The following KLRG1 variants were observed in gnomAD, a reference collection of about 807,000 sequenced individuals.
The protein encoded by KLRG1 is killer cell lectin-like receptor subfamily G member 1.
A neutral mutation model predicts 21.8 loss-of-function variants in KLRG1; 16 were observed. The ratio of observed to expected loss-of-function variants is 0.73; its 90% CI spans 0.50 to 1.11. The LOEUF (loss-of-function observed/expected upper bound fraction) is 1.11, where lower values mean the gene tolerates loss of function less well. Ranked by LOEUF, KLRG1 falls within the 50% of genes most tolerant of loss-of-function variation. The pLI is 0.00. For synonymous variants in KLRG1, 69 were observed against 75.9 expected, an observed-to-expected ratio of 0.91 and a Z score of 0.47; for missense variants, 173 against 218.3, an observed-to-expected ratio of 0.79 and a Z score of 1.31.
intron 1 of KLRG1, among the ~76,000 whole-genome samples, chr12:8,974,654 TGTG>T (rs1946627881): frequency 6.6e-6 from 1 of 152,248 alleles, no homozygotes; most frequent in Non-Finnish European, 1.5e-5. Context: ...ATTATGTTAA[TGTG>T]GTGTATTACA....
At chr12:9,026,354 A>C in the KLRG1 span, among the ~76,000 whole-genome samples, 1 of 152,354 alleles carries the variant, frequency 6.6e-6, no homozygotes, top group South Asian at 2.1e-4. Context: ...ATGAGCCAAA[A>C]ACGTATGCCA....
chr12:9,181,054 G>C, the KLRG1 span: 3 of 1,614,196 alleles, frequency 1.9e-6, no homozygotes, highest in Non-Finnish European at 2.5e-6. Context: ...AGGGCACAGA[G>C]GGACTGCGGA....
the KLRG1 span, chr12:9,093,540 T>A: frequency 1.2e-6 from 2 of 1,612,822 alleles, no homozygotes; most frequent in Admixed American, 3.3e-5. Flanking sequence ...CTCTTCAACA[T>A]GCACCAGGCG....
the KLRG1 span, among the ~76,000 whole-genome samples, chr12:9,051,506 C>T: frequency 5.3e-5 from 8 of 152,182 alleles, no homozygotes; most frequent in Non-Finnish European, 8.8e-5. Flanking sequence ...ATCCTCTCCA[C>T]GCTTCCTGTC....
the KLRG1 span, chr12:9,194,219 T>C: frequency 1.9e-6 from 3 of 1,613,828 alleles, no homozygotes; most frequent in African/African-American, 2.7e-5. Flanking sequence ...GGGCACACCT[T>C]TTCCATCCAC....
At chr12:9,025,212 A>G in the KLRG1 span, among the ~76,000 whole-genome samples, 1 of 152,236 alleles carries the variant, frequency 6.6e-6, no homozygotes, top group Non-Finnish European at 1.5e-5. Context: ...TGGTTAAGAC[A>G]GGAAGGAAAG....
At chr12:9,109,287 T>A in the KLRG1 span, 1 of 1,521,080 alleles carries the variant, frequency 6.6e-7, no homozygotes, top group African/African-American at 1.4e-5. Flanking sequence ...TTTTAAATAA[T>A]CCCCCACAAA....
intron 3 of KLRG1, among the ~76,000 whole-genome samples, chr12:8,997,622 A>G (rs988169681): frequency 2.6e-5 from 4 of 152,208 alleles, no homozygotes; most frequent in African/African-American, 7.2e-5. Context: ...CTACAGGCCT[A>G]TGGAAAATAT....
chr12:9,110,429 G>A, the KLRG1 span: 2 of 673,024 alleles, frequency 3.0e-6, no homozygotes, highest in Non-Finnish European at 4.8e-6. Context: ...TAGCATAACA[G>A]GGTGAGTATA....
At chr12:9,182,585 A>G in the KLRG1 span, among the ~76,000 whole-genome samples, 1 of 152,230 alleles carries the variant, frequency 6.6e-6, no homozygotes, top group Admixed American at 6.5e-5. Context: ...TTCCTAAAAG[A>G]ATATTTAATT....
the KLRG1 span, chr12:9,128,732 C>G: frequency 2.7e-4 from 41 of 152,270 alleles, no homozygotes; most frequent in African/African-American, 9.6e-4. Flanking sequence ...CCTGGCTCTT[C>G]CCCTTACCTG....
chr12:9,152,600 G>T, the KLRG1 span, among the ~76,000 whole-genome samples: 1 of 152,200 alleles, frequency 6.6e-6, no homozygotes, highest in Admixed American at 6.5e-5. Flanking sequence ...TATGGTTTTT[G>T]CACACCTCAC....
the KLRG1 span, among the ~76,000 whole-genome samples, chr12:9,214,910 A>AT: frequency 0.01 from 1,564 of 152,072 alleles, 33 homozygotes; most frequent in African/African-American, 0.035. Flanking sequence ...TTAAAAAAAA[A>AT]TTTTTAAGTC....
At chr12:9,180,075 C>T in the KLRG1 span, among the ~76,000 whole-genome samples, 5 of 152,282 alleles carry the variant, frequency 3.3e-5, no homozygotes, top group African/African-American at 1.2e-4. Context: ...ATCAAGTACT[C>T]GGCAAGTGGT....
At chr12:9,126,637 A>G in the KLRG1 span, among the ~76,000 whole-genome samples, 111 of 152,322 alleles carry the variant, frequency 7.3e-4, no homozygotes, top group African/African-American at 2.6e-3. Flanking sequence ...GGTGATGTGT[A>G]TAAAATACCA....
At chr12:9,063,290 C>T in the KLRG1 span, among the ~76,000 whole-genome samples, 1 of 152,116 alleles carries the variant, frequency 6.6e-6, no homozygotes, top group Admixed American at 6.5e-5. Context: ...TCATAACAAC[C>T]CAGTATTCTC....
At chr12:9,148,927 T>C in the KLRG1 span, 12 of 1,522,740 alleles carry the variant, frequency 7.9e-6, no homozygotes, top group South Asian at 3.4e-5. Context: ...TCTAAGTAAA[T>C]GTATAGGACA....
At chr12:8,975,630 C>T (rs1000128485) in intron 1 of KLRG1, among the ~76,000 whole-genome samples, 2 of 152,020 alleles carry the variant, frequency 1.3e-5, no homozygotes, top group African/African-American at 2.4e-5. Context: ...GTGGTGCGGC[C>T]ATGGCTCACT....
chr12:9,005,721 C>T (rs12828013), intron 3 of KLRG1, among the ~76,000 whole-genome samples: 35,525 of 152,148 alleles, frequency 0.23, 4,898 homozygotes, highest in East Asian at 0.37. Flanking sequence ...ACAATTTTTC[C>T]ATGGACCGTT....
Sources: gnomAD v4.1 joint callset for allele counts (sites outside exome capture counted in the v4.1 genomes callset) on GRCh38, gnomAD v4.1.1 for gene constraint, MANE v1.5 for transcripts, NCBI Gene and HGNC (gene_info 2026-07-23, HGNC 2026-07-21) for gene names.